Variants in ACSBG1 observed in about 807,000 individuals in gnomAD.
ACSBG1 encodes the protein acyl-CoA synthetase bubblegum family member 1.
A neutral mutation model predicts 80.2 loss-of-function variants in ACSBG1; 39 were observed. The ratio of observed to expected loss-of-function variants is 0.49; its 90% confidence interval spans 0.38 to 0.64. The LOEUF is 0.64. Ranked by LOEUF, ACSBG1 falls within the 30% of genes least tolerant of loss-of-function variation. The pLI, the probability that ACSBG1 is intolerant of heterozygous loss-of-function variation, is 0.00. For missense variants in ACSBG1, 828 were observed against 966.4 expected, an observed-to-expected ratio of 0.86 and a Z score of 1.90; for synonymous variants, 392 against 379.5, an observed-to-expected ratio of 1.03 and a Z score of -0.38.
In ACSBG1 at chr15:78,180,847, C is replaced by T. The variant is rs1430027600; in HGVS notation, c.1161G>A (p.Gln387=). 2 of 1,614,232 alleles carry T rather than the reference C, an allele frequency of 1.2e-6. No individual in the cohort carries two copies. The highest frequency in any genetic ancestry group is 1.7e-6 in the Non-Finnish European group (2 of 1,180,034). ...TGAAGCCAGACTGAGCCGCCACCTC[C>T]TGGATGCGCTCCATGATCTTCTCCC... ...RVWEKIMERI[Q]EVAAQSGFIR... Residue 387 remains glutamine (Q), a synonymous_variant, in exon 9 of 14, where the codon CAG becomes CAA. Coordinates refer to ENST00000258873, the MANE Select transcript of ACSBG1 (RefSeq NM_015162.5).
intron 1 of ACSBG1, among the ~76,000 whole-genome samples, chr15:78,215,778 GAAAGAA>G (rs1555434054): frequency 8.5e-4 from 127 of 149,534 alleles, no homozygotes; most frequent in African/African-American, 3.1e-3. Flanking sequence ...AAGAAAGAAA[GAAAGAA>G]AGAGAAAGAA....
intron 1 of ACSBG1, among the ~76,000 whole-genome samples, chr15:78,220,496 T>G (rs912279961): frequency 1.3e-5 from 2 of 152,202 alleles, no homozygotes; most frequent in Admixed American, 6.5e-5. Context: ...AAACCTGATG[T>G]GCTTCAAGGG....
chr15:78,207,917 T>TCCCCCCCCCCCCCCCCCCCCCCCC, intron 2 of ACSBG1, 85 bp downstream of exon 2: 2 of 876,064 alleles, frequency 2.3e-6, no homozygotes, highest in Non-Finnish European at 3.7e-6. Flanking sequence ...TGTGTGGTGG[T>TCCCCCCCCCCCCCCCCCCCCCCCC]CCCCCACACC....
At chr15:78,187,995 A>G (rs1031358667) in intron 5 of ACSBG1, among the ~76,000 whole-genome samples, 2 of 152,204 alleles carry the variant, frequency 1.3e-5, no homozygotes, top group African/African-American at 2.4e-5. Flanking sequence ...TACAAAATCA[A>G]TGTACAAAAA....
At chr15:78,193,801 C>A (rs1173463575) in intron 4 of ACSBG1, 131 bp downstream of exon 4, 1 of 1,427,674 alleles carries the variant, frequency 7.0e-7, no homozygotes, top group African/African-American at 1.4e-5. Context: ...TGCAGGTCCA[C>A]CAGAAGGCCC....
intron 1 of ACSBG1, among the ~76,000 whole-genome samples, chr15:78,230,449 C>G (rs527255042): frequency 6.6e-6 from 1 of 152,334 alleles, no homozygotes; most frequent in South Asian, 2.1e-4. Flanking sequence ...AGATAAGCCC[C>G]TCTCAGGCTA....
chr15:78,217,954 G>A (rs900527818), intron 1 of ACSBG1, among the ~76,000 whole-genome samples: 15 of 152,082 alleles, frequency 9.9e-5, no homozygotes, highest in Admixed American at 8.5e-4. Context: ...CACAGAGAAC[G>A]GCCAGCTGGT....
chr15:78,182,695 C>A lies in ACSBG1; in HGVS notation c.744+10G>T, dbSNP rs370323170. 3 of 1,614,232 alleles carry A rather than the reference C, an allele frequency of 1.9e-6. No individual in the cohort carries two copies. Among genetic ancestry groups the A allele is most frequent in the Admixed American group, 1.7e-5 (1 of 60,034 alleles). ...GCCCCACCTGGCGCCCAGGGCCCCA[C>A]TGCCCATACCGTGTACACATTGGCC... On this transcript the variant is annotated intron_variant, in intron 6 of 13. Coordinates refer to ENST00000258873, the MANE Select transcript of ACSBG1 (RefSeq NM_015162.5).
chr15:78,215,786 GAGAA>G (rs1268291871), intron 1 of ACSBG1, among the ~76,000 whole-genome samples: 41 of 123,034 alleles, frequency 3.3e-4, no homozygotes, highest in Non-Finnish European at 6.2e-4. Context: ...AAGAAAGAAA[GAGAA>G]AGAAAGAGAG....
rs553089711 is a variant in ACSBG1 at position 78,192,640 on chromosome 15, C to A, written c.663+866G>T. 7.9e-4 allele frequency among the ~76,000 whole-genome samples: 121 copies of A among 152,316 alleles called. 1 individual carries two copies. Among genetic ancestry groups the A allele is most frequent in the Non-Finnish European group, 1.4e-3 (98 of 68,024 alleles). The stretch of plus-strand genomic sequence containing the variant: ...CCCCCAAGGATACTGGCCCCACTTG[C>A]TTTTCTCTTTCAGGCTTCAGGAAAC... On this transcript the variant is annotated intron_variant, in intron 5 of 13. Transcript: ENST00000258873.
intron 12 of ACSBG1, 114 bp downstream of exon 12, chr15:78,174,271 C>T (rs1476825509): frequency 2.5e-5 from 36 of 1,446,830 alleles, no homozygotes; most frequent in Non-Finnish European, 3.4e-5. Context: ...TGAGTCATTC[C>T]AGAATGAAGC....
At chr15:78,224,976 G>C (rs1248492389) in intron 1 of ACSBG1, among the ~76,000 whole-genome samples, 1 of 136,144 alleles carries the variant, frequency 7.3e-6, no homozygotes, top group Admixed American at 7.2e-5. Flanking sequence ...GAACATAAAA[G>C]TCTTAGGGGA....
chr15:78,223,851 G>A (rs2141387192), intron 1 of ACSBG1, among the ~76,000 whole-genome samples: 1 of 152,292 alleles, frequency 6.6e-6, no homozygotes, highest in South Asian at 2.1e-4. Context: ...ACAAGTGGGA[G>A]CAGAGAGAGA....
intron 8 of ACSBG1, 120 bp from the exon 9 acceptor site, chr15:78,181,056 C>T (rs888161655): frequency 2.6e-6 from 3 of 1,160,052 alleles, no homozygotes; most frequent in Non-Finnish European, 3.5e-6. Context: ...CCACACACAC[C>T]TGCACGCAAG....
chr15:78,194,802 GC>G, intron 2 of ACSBG1, 76 bp from the exon 3 acceptor site: 2 of 1,462,198 alleles, frequency 1.4e-6, no homozygotes, highest in Non-Finnish European at 1.9e-6. Context: ...AGAGCTCGCA[GC>G]CCGTCTGGTG....
intron 13 of ACSBG1, among the ~76,000 whole-genome samples, chr15:78,173,117 G>GGGCGGATCACCTGA (rs1187667051): frequency 4.6e-5 from 7 of 151,966 alleles, no homozygotes; most frequent in Non-Finnish European, 8.8e-5. Context: ...AGGCCGAGGC[G>GGGCGGATCACCTGA]GGCGGATCAC....
At chr15:78,179,982 A>G (rs953810318) in intron 9 of ACSBG1, among the ~76,000 whole-genome samples, 2 of 152,222 alleles carry the variant, frequency 1.3e-5, no homozygotes, top group African/African-American at 2.4e-5. Flanking sequence ...ATGCAGGCAC[A>G]TGGTTGTGTG....
At chr15:78,193,798 C>T (rs1251965761) in intron 4 of ACSBG1, 134 bp downstream of exon 4, 4 of 1,423,548 alleles carry the variant, frequency 2.8e-6, no homozygotes. Context: ...AGATGCAGGT[C>T]CACCAGAAGG....
intron 2 of ACSBG1, among the ~76,000 whole-genome samples, chr15:78,200,063 T>A (rs1337191212): frequency 6.6e-6 from 1 of 152,194 alleles, no homozygotes; most frequent in Non-Finnish European, 1.5e-5. Context: ...GTTTAAAATC[T>A]TGATGGACAT....
Sources: gnomAD v4.1 joint callset for allele counts (sites outside exome capture counted in the v4.1 genomes callset) on GRCh38, gnomAD v4.1.1 for gene constraint, MANE v1.5 for transcripts, NCBI Gene and HGNC (gene_info 2026-07-23, HGNC 2026-07-21) for gene names.